DNAH8: variants seen among roughly 807,000 people sequenced by gnomAD.
DNAH8 encodes dynein axonemal heavy chain 8.
In DNAH8, 382 loss-of-function variants were observed where a neutral mutation model predicts 562.1. That is an observed-to-expected ratio of 0.68 (90% CI 0.63 to 0.74). The LOEUF is 0.74. Ranked by LOEUF, DNAH8 falls within the 30% of genes least tolerant of loss-of-function variation. DNAH8 has a pLI of 0.00. For missense variants in DNAH8, 5,203 were observed against 5,620.4 expected (o/e 0.93, Z 2.37); for synonymous variants, 1,881 against 1,919.4 (o/e 0.98, Z 0.52).
At chr6:38,982,009 G>A (rs1055539158) in intron 85 of DNAH8, among the ~76,000 whole-genome samples, 1 of 152,154 alleles carries the variant, frequency 6.6e-6, no homozygotes, top group Non-Finnish European at 1.5e-5. Flanking sequence ...TTGTGTTACA[G>A]TTGCCTGCAG....
intron 91 of DNAH8, among the ~76,000 whole-genome samples, chr6:39,018,829 T>C (rs1254571867): frequency 6.6e-6 from 1 of 152,082 alleles, no homozygotes; most frequent in Non-Finnish European, 1.5e-5. Context: ...GCAAGTAAGA[T>C]GGGCCAAAAA....
intron 24 of DNAH8, among the ~76,000 whole-genome samples, chr6:38,813,310 T>C (rs1771964850): frequency 6.6e-6 from 1 of 152,216 alleles, no homozygotes; most frequent in African/African-American, 2.4e-5. Flanking sequence ...TCCTTTCCAA[T>C]AATACGTTTA....
intron 88 of DNAH8, among the ~76,000 whole-genome samples, chr6:38,998,856 C>G (rs1765305678): frequency 6.6e-6 from 1 of 152,202 alleles, no homozygotes; most frequent in South Asian, 2.1e-4. Flanking sequence ...TTCTTCATCT[C>G]AGAGCATTTA....
At chr6:38,814,151 G>A (rs772246374) in intron 25 of DNAH8, 22 bp downstream of exon 25, 1 of 1,326,594 alleles carries the variant, frequency 7.5e-7, no homozygotes, top group Non-Finnish European at 1.1e-6. Context: ...TAAATACACT[G>A]ATAATTTGAT....
intron 11 of DNAH8, among the ~76,000 whole-genome samples, chr6:38,766,920 A>G (rs913886157): frequency 2.6e-5 from 4 of 152,328 alleles, no homozygotes; most frequent in African/African-American, 9.6e-5. Flanking sequence ...TCTGTTAAGC[A>G]TCTAGGATCG....
At chr6:38,835,930 A>G (rs1162605921) in intron 32 of DNAH8, among the ~76,000 whole-genome samples, 2 of 152,274 alleles carry the variant, frequency 1.3e-5, no homozygotes, top group East Asian at 3.9e-4. Context: ...GGAGAGAGGA[A>G]GATCAAACTG....
chr6:38,872,360 C>A (rs1172637660), intron 49 of DNAH8, among the ~76,000 whole-genome samples, 176 bp from the exon 50 acceptor site: 1 of 152,142 alleles, frequency 6.6e-6, no homozygotes, highest in Non-Finnish European at 1.5e-5. Flanking sequence ...CGTTTTATAA[C>A]GTGGTGCTCA....
chr6:38,802,740 G>T (rs984358442), intron 21 of DNAH8, among the ~76,000 whole-genome samples: 4 of 152,192 alleles, frequency 2.6e-5, no homozygotes, highest in African/African-American at 9.7e-5. Context: ...TATGTGTAAA[G>T]CTCTTAAATT....
intron 21 of DNAH8, among the ~76,000 whole-genome samples, chr6:38,800,626 C>A (rs1299995308): frequency 6.6e-6 from 1 of 152,188 alleles, no homozygotes; most frequent in Non-Finnish European, 1.5e-5. Flanking sequence ...AAGCGATTCT[C>A]CTGCCTCAGC....
chr6:38,737,705 C>A, intron 6 of DNAH8, 104 bp from the exon 7 acceptor site: 1 of 450,190 alleles, frequency 2.2e-6, no homozygotes, highest in Non-Finnish European at 3.3e-6. Flanking sequence ...AACACATTGA[C>A]ATTAAATACT....
intron 12 of DNAH8, among the ~76,000 whole-genome samples, chr6:38,774,965 A>G (rs1582969954): frequency 6.6e-6 from 1 of 152,236 alleles, no homozygotes; most frequent in Non-Finnish European, 1.5e-5. Context: ...CTGGGTGGCC[A>G]TACACAGGGA....
chr6:38,848,343 T>G (rs1190631978), intron 36 of DNAH8, among the ~76,000 whole-genome samples: 1 of 152,182 alleles, frequency 6.6e-6, no homozygotes, highest in African/African-American at 2.4e-5. Context: ...ATTCCTTGCT[T>G]GGCATTTACT....
chr6:38,995,407 T>C (rs1765071262), intron 88 of DNAH8, among the ~76,000 whole-genome samples: 1 of 152,232 alleles, frequency 6.6e-6, no homozygotes, highest in Admixed American at 6.5e-5. Context: ...TACTAATCAA[T>C]GTTATATTTG....
chr6:38,797,123 G>C (rs1770339296), intron 21 of DNAH8, among the ~76,000 whole-genome samples: 1 of 152,200 alleles, frequency 6.6e-6, no homozygotes, highest in South Asian at 2.1e-4. Flanking sequence ...GCTGGACGCG[G>C]TGACTCATGC....
At chr6:38,795,731 C>T (rs1019547550) in intron 21 of DNAH8, among the ~76,000 whole-genome samples, 3 of 151,958 alleles carry the variant, frequency 2.0e-5, no homozygotes, top group Non-Finnish European at 4.4e-5. Context: ...CAGCAAGTGG[C>T]GTTATAGTGA....
At chr6:38,932,183 AACACAC>A (rs70981599) in intron 76 of DNAH8, among the ~76,000 whole-genome samples, 190 bp downstream of exon 76, 7,694 of 139,852 alleles carry the variant, frequency 0.055, 645 homozygotes, top group African/African-American at 0.19. Context: ...TCCAGCCTGA[AACACAC>A]ACACACACAC....
intron 62 of DNAH8, among the ~76,000 whole-genome samples, chr6:38,901,761 A>T (rs1220878713): frequency 1.3e-5 from 2 of 152,240 alleles, no homozygotes; most frequent in Admixed American, 6.5e-5. Flanking sequence ...ATAAAAATTG[A>T]ACAAAATACA....
intron 29 of DNAH8, 35 bp downstream of exon 29, chr6:38,826,426 C>G (rs1026743305): frequency 7.1e-7 from 1 of 1,415,728 alleles, no homozygotes; most frequent in African/African-American, 1.4e-5. Flanking sequence ...TCTTGGAATG[C>G]TTTTTTGTTT....
chr6:38,909,836 T>A, intron 65 of DNAH8, 92 bp downstream of exon 65: 1 of 1,013,058 alleles, frequency 9.9e-7, no homozygotes, highest in Non-Finnish European at 1.5e-6. Flanking sequence ...AGACTCTTTC[T>A]ATTCATTGAG....
Sources: allele counts gnomAD v4.1 joint callset (sites outside exome capture counted in the v4.1 genomes callset), GRCh38; gene constraint gnomAD v4.1.1; transcripts MANE v1.5; gene names NCBI Gene and HGNC (gene_info 2026-07-23, HGNC 2026-07-21).